The following SDK1 variants were observed in gnomAD, a reference collection of about 807,000 sequenced individuals.
SDK1 encodes sidekick cell adhesion molecule 1.
SDK1 carries 157 observed loss-of-function variants against 245.5 expected under a neutral mutation model. The ratio of observed to expected loss-of-function variants is 0.64; its 90% CI spans 0.56 to 0.73. SDK1 has a LOEUF of 0.73. SDK1 is among the 30% of genes least tolerant of loss of function. The pLI is 0.00. For synonymous variants in SDK1, 1,647 were observed against 1,278.5 expected, an observed-to-expected ratio of 1.29 and a Z score of -6.15; for missense variants, 3,583 against 3,002.3, an observed-to-expected ratio of 1.19 and a Z score of -4.52.
Position 3,821,690 on chromosome 7 carries a change from G to A in SDK1, c.847+107G>A, listed in dbSNP as rs977733479. 15 of 1,243,046 alleles carry A rather than the reference G, an allele frequency of 1.2e-5. No homozygotes were observed. In the Admixed American group the frequency reaches 1.5e-4, roughly 12 times the overall value. The allele number at this position is 1,243,046 out of a possible 1,614,324, so 77.0% of individuals were successfully genotyped here. ...TTGCAATAAATTTTCTCTCTCTAGTGTAGTAGTTACGGTTTAATATTGATC... is the reference window on the plus strand; with the variant it reads ...TTGCAATAAATTTTCTCTCTCTAGTATAGTAGTTACGGTTTAATATTGATC... On this transcript the variant is annotated intron_variant, in intron 5 of 44. Coordinates refer to ENST00000404826, the MANE Select transcript of SDK1 (RefSeq NM_152744.4).
chr7:3,971,403 C>T, intron 11 of SDK1, 63 bp from the exon 12 acceptor site: 2 of 1,140,744 alleles, frequency 1.8e-6, no homozygotes, highest in East Asian at 4.9e-5. Context: ...GCATTATCCC[C>T]CCTGAGGGCA....
intron 1 of SDK1, among the ~76,000 whole-genome samples, chr7:3,321,545 GT>G (rs1216887628): frequency 3.9e-5 from 6 of 152,176 alleles, no homozygotes; most frequent in African/African-American, 9.6e-5. Context: ...GACAAGTTGT[GT>G]TTTTTTCCCC....
chr7:4,223,095 A>G (rs1474899729), intron 40 of SDK1, among the ~76,000 whole-genome samples: 1 of 152,108 alleles, frequency 6.6e-6, no homozygotes, highest in South Asian at 2.1e-4. Context: ...AAAAAAAAAA[A>G]AAAGTTTCTA....
intron 1 of SDK1, among the ~76,000 whole-genome samples, chr7:3,493,246 TG>T (rs138724378): frequency 0.026 from 3,952 of 152,304 alleles, 188 homozygotes; most frequent in African/African-American, 0.089. Context: ...CCACCATGCC[TG>T]GCTGAAGAGA....
At chr7:3,466,499 G>C (rs1781005515) in intron 1 of SDK1, among the ~76,000 whole-genome samples, 1 of 148,394 alleles carries the variant, frequency 6.7e-6, no homozygotes, top group South Asian at 2.3e-4. Flanking sequence ...GTTGTGTGTT[G>C]TCAGTTGGAG....
At chr7:3,434,248 G>C (rs186343134) in intron 1 of SDK1, among the ~76,000 whole-genome samples, 1 of 152,322 alleles carries the variant, frequency 6.6e-6, no homozygotes, top group East Asian at 1.9e-4. Flanking sequence ...AGGAAATCAT[G>C]TTTTAAAATT....
intron 2 of SDK1, among the ~76,000 whole-genome samples, chr7:3,638,302 A>G (rs940596374): frequency 6.6e-6 from 1 of 152,190 alleles, no homozygotes; most frequent in Non-Finnish European, 1.5e-5. Flanking sequence ...CCAAAGGATT[A>G]TAAATCATGC....
intron 5 of SDK1, among the ~76,000 whole-genome samples, chr7:3,875,992 A>G (rs1328905691): frequency 6.6e-6 from 1 of 152,120 alleles, no homozygotes; most frequent in Non-Finnish European, 1.5e-5. Flanking sequence ...TTCTCACACA[A>G]TGTGGGGGAA....
intron 4 of SDK1, among the ~76,000 whole-genome samples, chr7:3,725,143 T>C (rs1778971236): frequency 6.6e-6 from 1 of 152,178 alleles, no homozygotes; most frequent in Non-Finnish European, 1.5e-5. Context: ...ACTTTCTGAA[T>C]AGAGTTCAGT....
chr7:4,228,658 G>A (rs1785575050), intron 40 of SDK1, among the ~76,000 whole-genome samples: 1 of 152,206 alleles, frequency 6.6e-6, no homozygotes, highest in African/African-American at 2.4e-5. Flanking sequence ...TCCTGCCTCA[G>A]TCTCCTGAGT....
chr7:3,507,434 G>C (rs574170790), intron 1 of SDK1, among the ~76,000 whole-genome samples: 1 of 152,156 alleles, frequency 6.6e-6, no homozygotes, highest in African/African-American at 2.4e-5. Flanking sequence ...AGTACCTACA[G>C]CATGGTGCAG....
At chr7:4,157,949 C>T (rs79348540) in intron 30 of SDK1, among the ~76,000 whole-genome samples, 3,340 of 152,206 alleles carry the variant, frequency 0.022, 138 homozygotes, top group African/African-American at 0.076. Flanking sequence ...GAGGACGGAG[C>T]GTGAGAATCA....
intron 1 of SDK1, among the ~76,000 whole-genome samples, chr7:3,553,954 G>A (rs1307998954): frequency 1.3e-5 from 2 of 152,178 alleles, no homozygotes; most frequent in Admixed American, 6.5e-5. Flanking sequence ...CGGGCACAAA[G>A]AATGCTGCAA....
At position 4,166,959 on chromosome 7, in the gene SDK1, C is replaced by G. The variant is rs113010107; in HGVS notation, c.4800+5103C>G. 4.1e-3 allele frequency among the ~76,000 whole-genome samples: 628 copies of G among 152,118 alleles called. 5 individuals carry two copies. Among genetic ancestry groups the G allele is most frequent in the African/African-American group, 0.014 (565 of 41,552 alleles). ...AGAGAGGCTTTCCCTGCAGGTCCTG[C>G]CTCCTCCTACCCCCAGGCCTTCCCT... On this transcript the variant is annotated intron_variant, in intron 32 of 44. Transcript: ENST00000404826.
intron 1 of SDK1, among the ~76,000 whole-genome samples, chr7:3,310,337 G>A (rs866320289): frequency 7.2e-5 from 11 of 152,320 alleles, no homozygotes; most frequent in Middle Eastern, 3.4e-3. Flanking sequence ...AATTGAGAAT[G>A]GGTTGGAAGA....
At chr7:3,837,233 G>T (rs546160524) in intron 5 of SDK1, among the ~76,000 whole-genome samples, 1 of 152,134 alleles carries the variant, frequency 6.6e-6, no homozygotes, top group Non-Finnish European at 1.5e-5. Context: ...TAGATCAGAA[G>T]ACCCGACTAG....
chr7:4,221,800 A>T (rs1479392999), intron 40 of SDK1, among the ~76,000 whole-genome samples: 1 of 152,202 alleles, frequency 6.6e-6, no homozygotes, highest in African/African-American at 2.4e-5. Flanking sequence ...AAACCGACAC[A>T]TCGTTTGCTT....
chr7:4,053,028 A>T (rs1233856991), intron 19 of SDK1, among the ~76,000 whole-genome samples: 1 of 149,040 alleles, frequency 6.7e-6, no homozygotes, highest in Non-Finnish European at 1.5e-5. Flanking sequence ...CAGAGGTTGC[A>T]GTGAGCCGTG....
In SDK1 at chr7:4,268,443, C is replaced by G. The variant is rs974638177; in HGVS notation, c.*3059C>G. The G allele has an allele frequency of 1.8e-6, 2 of 1,127,238 alleles. No individual in the cohort carries two copies. The highest frequency in any genetic ancestry group is 3.3e-5 in the African/African-American group (2 of 60,560). 69.8% of individuals were successfully genotyped at this position (1,127,238 alleles called of 1,614,324 possible). ...GCCTCGCCTTCAGCCTCTCTCCCAG[C>G]CTGCTTTTATAAGGCGCACTTCACT... On this transcript the variant is annotated 3_prime_UTR_variant, in exon 45 of 45. Transcript: ENST00000404826.
Sources: gnomAD v4.1 joint callset for allele counts (sites outside exome capture counted in the v4.1 genomes callset) on GRCh38, gnomAD v4.1.1 for gene constraint, MANE v1.5 for transcripts, NCBI Gene and HGNC (gene_info 2026-07-23, HGNC 2026-07-21) for gene names.